The following CACHD1 variants were observed in gnomAD, a reference collection of about 807,000 sequenced individuals.
CACHD1 encodes the protein cache domain containing 1, also known as VWFA and cache domain-containing protein 1.
Under a neutral mutation model 138.7 loss-of-function variants are expected in CACHD1, and 71 were observed. That is an observed-to-expected ratio of 0.51 (90% CI 0.42 to 0.62). The LOEUF (loss-of-function observed/expected upper bound fraction) is 0.62. Among genes scored for constraint, CACHD1 ranks in the 20% least tolerant of loss-of-function variants. The pLI, the probability that CACHD1 is intolerant of heterozygous loss-of-function variation, is 0.00. For synonymous variants in CACHD1, 578 were observed against 591.5 expected, an observed-to-expected ratio of 0.98 and a Z score of 0.33; for missense variants, 1,389 against 1,625.3, an observed-to-expected ratio of 0.85 and a Z score of 2.50.
chr1:64,645,010 T>A (rs1648857010), intron 8 of CACHD1, among the ~76,000 whole-genome samples: 1 of 152,152 alleles, frequency 6.6e-6, no homozygotes, highest in Non-Finnish European at 1.5e-5. Flanking sequence ...GGCACAAGAA[T>A]CGCTTGATCC....
chr1:64,614,742 T>A (rs1260633596), intron 4 of CACHD1, among the ~76,000 whole-genome samples: 1 of 152,192 alleles, frequency 6.6e-6, no homozygotes, highest in Non-Finnish European at 1.5e-5. Flanking sequence ...AAAAGGAAAT[T>A]TGGCTCAGAT....
In CACHD1 at chr1:64,692,855, T is replaced by C. The variant is rs1198026095; in HGVS notation, c.*1294T>C. ...GGCATTCTTGCACCATGGTAAAGAA[T>C]GTGTGTGGTAAATCTCCGTTTATAT... On this transcript the variant is annotated 3_prime_UTR_variant, in exon 27 of 27. Transcript: ENST00000651257. 1 of 152,648 alleles carries C rather than the reference T, an allele frequency of 6.6e-6. No homozygotes were observed. The highest frequency in any genetic ancestry group is 1.5e-5 in the Non-Finnish European group (1 of 68,026). 9.5% of individuals were successfully genotyped at this position (152,648 alleles called of 1,614,324 possible). A position where few individuals can be genotyped will look rare whatever the true frequency, so the allele number is the denominator to read the frequency against.
chr1:64,691,240 C>T (rs1307140841), intron 26 of CACHD1, 83 bp from the exon 27 acceptor site: 2 of 1,268,622 alleles, frequency 1.6e-6, no homozygotes, highest in Non-Finnish European at 2.3e-6. Flanking sequence ...GGAATACCTC[C>T]CAGTGCCCTA....
intron 3 of CACHD1, among the ~76,000 whole-genome samples, chr1:64,593,075 A>T (rs371025851): frequency 6.6e-6 from 1 of 152,214 alleles, no homozygotes; most frequent in African/African-American, 2.4e-5. Context: ...TAGGAGAAAA[A>T]TGATGGATCC....
At chr1:64,689,639 G>A (rs1240076087) in intron 26 of CACHD1, among the ~76,000 whole-genome samples, 1 of 151,976 alleles carries the variant, frequency 6.6e-6, no homozygotes, top group Non-Finnish European at 1.5e-5. Context: ...CTTCGGCACG[G>A]GCTTTATGAT....
chr1:64,506,677 C>T (rs959236464), intron 1 of CACHD1, among the ~76,000 whole-genome samples: 10 of 152,120 alleles, frequency 6.6e-5, no homozygotes, highest in Admixed American at 2.0e-4. Context: ...ATTCAGAGGA[C>T]GTGATTCTTA....
chr1:64,609,565 A>G (rs1297859317), intron 4 of CACHD1, among the ~76,000 whole-genome samples: 2 of 152,144 alleles, frequency 1.3e-5, no homozygotes, highest in Non-Finnish European at 2.9e-5. Context: ...CTGCAAACTT[A>G]TATCAAAGTT....
chr1:64,559,304 A>G (rs570638977), intron 2 of CACHD1, among the ~76,000 whole-genome samples: 21 of 152,358 alleles, frequency 1.4e-4, no homozygotes, highest in African/African-American at 5.0e-4. Context: ...ACACTATGGA[A>G]TATTATGCAA....
intron 2 of CACHD1, among the ~76,000 whole-genome samples, chr1:64,573,479 A>G (rs1296528575): frequency 6.6e-6 from 1 of 152,236 alleles, no homozygotes; most frequent in Non-Finnish European, 1.5e-5. Flanking sequence ...CTAAGACAGC[A>G]AGACTTGCTT....
At chr1:64,686,926 G>A (rs140432309) in intron 26 of CACHD1, among the ~76,000 whole-genome samples, 143 of 152,238 alleles carry the variant, frequency 9.4e-4, no homozygotes, top group South Asian at 1.9e-3. Context: ...CTGTGGCCAC[G>A]AGATGGTGAG....
intron 1 of CACHD1, among the ~76,000 whole-genome samples, chr1:64,523,661 A>G (rs1380493646): frequency 1.5e-4 from 23 of 152,168 alleles, no homozygotes; most frequent in Admixed American, 1.4e-3. Flanking sequence ...CCTTGGTTGC[A>G]GGGTTATGTG....
intron 1 of CACHD1, among the ~76,000 whole-genome samples, chr1:64,479,650 T>G (rs1646197666): frequency 6.6e-6 from 1 of 152,194 alleles, no homozygotes; most frequent in Non-Finnish European, 1.5e-5. Context: ...CAACTCACAC[T>G]GGCAAGAAAG....
intron 1 of CACHD1, 118 bp downstream of exon 1, chr1:64,471,060 C>A: frequency 9.6e-7 from 1 of 1,036,330 alleles, no homozygotes; most frequent in Non-Finnish European, 1.4e-6. Context: ...ACATAGAGCC[C>A]GGCTTCCCGT....
intron 1 of CACHD1, among the ~76,000 whole-genome samples, chr1:64,502,151 A>G (rs904048757): frequency 9.2e-5 from 14 of 152,266 alleles, no homozygotes; most frequent in Non-Finnish European, 1.2e-4. Context: ...TAGAGAAGAC[A>G]TATAACAACT....
At chr1:64,503,587 A>G (rs756920157) in intron 1 of CACHD1, among the ~76,000 whole-genome samples, 6 of 152,192 alleles carry the variant, frequency 3.9e-5, no homozygotes, top group South Asian at 4.1e-4. Context: ...CATGGTGGGT[A>G]GACCTGAAGA....
chr1:64,573,874 C>T (rs1251026307), intron 2 of CACHD1, among the ~76,000 whole-genome samples: 2 of 152,220 alleles, frequency 1.3e-5, no homozygotes, highest in Non-Finnish European at 2.9e-5. Context: ...GGTAAAGTCA[C>T]ATGTCACACA....
At chr1:64,634,791 G>A (rs1433507479) in intron 7 of CACHD1, among the ~76,000 whole-genome samples, 1 of 151,918 alleles carries the variant, frequency 6.6e-6, no homozygotes, top group Non-Finnish European at 1.5e-5. Flanking sequence ...TCGGGAGTTC[G>A]AGACCAGCCT....
At chr1:64,683,083 A>T (rs1474483589) in intron 26 of CACHD1, among the ~76,000 whole-genome samples, 2 of 152,160 alleles carry the variant, frequency 1.3e-5, no homozygotes, top group Non-Finnish European at 2.9e-5. Context: ...TAAAAAATGC[A>T]AAAATAGATA....
intron 1 of CACHD1, among the ~76,000 whole-genome samples, chr1:64,545,932 G>T (rs146690643): frequency 1.8e-4 from 27 of 152,210 alleles, no homozygotes; most frequent in African/African-American, 6.5e-4. Context: ...TCTGTGAAAT[G>T]TTTCTATTTA....
Sources: gnomAD v4.1 joint callset for allele counts (sites outside exome capture counted in the v4.1 genomes callset) on GRCh38, gnomAD v4.1.1 for gene constraint, MANE v1.5 for transcripts, NCBI Gene and HGNC (gene_info 2026-07-23, HGNC 2026-07-21) for gene names.